The following ABR variants were observed in gnomAD, a reference collection of about 807,000 sequenced individuals.
The protein encoded by ABR is active breakpoint cluster region-related protein.
Under a neutral mutation model 107.2 loss-of-function variants are expected in ABR, and 35 were observed. The ratio of observed to expected loss-of-function variants is 0.33; its 90% CI spans 0.25 to 0.43. The LOEUF (loss-of-function observed/expected upper bound fraction) is 0.43, where lower values mean the gene tolerates loss of function less well. Ranked by LOEUF, ABR falls within the 20% of genes least tolerant of loss-of-function variation. The pLI is 1.00. For synonymous variants in ABR, 498 were observed against 462.0 expected (o/e 1.08, Z -1.00); for missense variants, 815 against 1,115.2 (o/e 0.73, Z 3.83).
At chr17:1,039,859 G>A (rs2030019511) in intron 16 of ABR, among the ~76,000 whole-genome samples, 1 of 152,220 alleles carries the variant, frequency 6.6e-6, no homozygotes, top group Non-Finnish European at 1.5e-5. Context: ...GCCTTGGCGG[G>A]CGCCGACGCG....
At position 1,010,270 on chromosome 17, in the gene ABR, G is replaced by T. The variant is rs1402262983; in HGVS notation, c.2236+459C>A. ...CTTGGGGCTGGGTTTGGCCCAGGTG[G>T]GTGGAGGCGGAAGGCCTGCTGGCCG... On this transcript the variant is annotated intron_variant, in intron 20 of 22. Transcript: ENST00000302538. This position sits in a 1 kb window ranked among gnomAD's most constrained non-coding sequence, Gnocchi z 4.1. The T allele has an allele frequency of 1.8e-5, 4 of 223,434 alleles. No individual in the cohort carries two copies. Among genetic ancestry groups the T allele is most frequent in the Admixed American group, 5.1e-5 (1 of 19,608 alleles). 13.8% of individuals were successfully genotyped at this position (223,434 alleles called of 1,614,324 possible).
At chr17:1,141,371 T>C (rs985568966) in intron 1 of ABR, among the ~76,000 whole-genome samples, 2 of 152,206 alleles carry the variant, frequency 1.3e-5, no homozygotes, top group Non-Finnish European at 2.9e-5. Context: ...TCGGGTTCCA[T>C]TCCTGAGATT....
At chr17:1,094,642 A>G (rs1437051544) in intron 3 of ABR, among the ~76,000 whole-genome samples, 1 of 152,150 alleles carries the variant, frequency 6.6e-6, no homozygotes, top group Non-Finnish European at 1.5e-5. Flanking sequence ...AAGTGCTGGG[A>G]TGACAGGTGT....
At chr17:1,169,429 C>G (rs1207610429) in intron 1 of ABR, among the ~76,000 whole-genome samples, 1 of 152,220 alleles carries the variant, frequency 6.6e-6, no homozygotes, top group Non-Finnish European at 1.5e-5. Context: ...ACTTTTATTC[C>G]TATTGGGAAA....
At chr17:1,134,610 G>C (rs1366714340) in intron 1 of ABR, among the ~76,000 whole-genome samples, 2 of 152,184 alleles carry the variant, frequency 1.3e-5, no homozygotes, top group Non-Finnish European at 2.9e-5. Context: ...AGCCCAGAGA[G>C]GAAGCGAGTC....
Position 1,125,312 on chromosome 17 carries a change from C to A in ABR, c.117G>T (p.Gly39=), listed in dbSNP as rs770964285. Residue 39 remains glycine (G), a synonymous_variant, in exon 2 of 23, where the codon GGG becomes GGT. Transcript: ENST00000302538. ...GCATGGTCTCTGAGCCCTCCGGGGG[C>A]CCCTTCTGCTCCTCATTCCCCTCTC... is the stretch of plus-strand genomic sequence containing the variant. The part of the protein sequence containing the change: ...YDGEGNEEQK[G]PPEGSETMPY... 10 of 1,614,004 alleles carry A rather than the reference C, an allele frequency of 6.2e-6. No individual in the cohort carries two copies. The highest frequency in any genetic ancestry group is 8.5e-6 in the Non-Finnish European group (10 of 1,179,978).
At chr17:1,202,035 C>T (rs2042681558) in intron 1 of ABR, among the ~76,000 whole-genome samples, 1 of 152,120 alleles carries the variant, frequency 6.6e-6, no homozygotes, top group Non-Finnish European at 1.5e-5. Flanking sequence ...GTGTGTTCCT[C>T]CCATACTTTG....
chr17:1,003,825 C>G lies in ABR; in HGVS notation c.*2255G>C, dbSNP rs2069830622. ...CTGGAGGTTCCAGGCTGCACAGTCC[C>G]TGGCTCCTGACTCCTGCCGGGCGCA... On this transcript the variant is annotated 3_prime_UTR_variant, in exon 23 of 23. Transcript: ENST00000302538. 6.6e-6 allele frequency: 1 copy of G among 152,366 alleles called. No individual in the cohort carries two copies. Among genetic ancestry groups the G allele is most frequent in the Admixed American group, 6.5e-5 (1 of 15,276 alleles). The allele number at this position is 152,366 out of a possible 1,614,324, so 9.4% of individuals were successfully genotyped here. A position where few individuals can be genotyped will look rare whatever the true frequency, so the allele number is the denominator to read the frequency against.
chr17:1,066,531 CTTTT>C (rs112876947), intron 10 of ABR, among the ~76,000 whole-genome samples: 1 of 146,528 alleles, frequency 6.8e-6, no homozygotes, highest in Non-Finnish European at 1.5e-5. Context: ...TCTACCTCCA[CTTTT>C]TTTTTTTGTT....
In ABR at chr17:1,179,730, CGCGGCG is replaced by C. The variant is rs746305126; in HGVS notation, c.-9_-4del. On this transcript the variant is annotated 5_prime_UTR_variant, in exon 1 of 23. Coordinates refer to ENST00000302538, the MANE Select transcript of ABR (RefSeq NM_021962.5). The surrounding 1 kb of genome is among the most constrained non-coding windows in gnomAD (Gnocchi z 4.9). ...CCCCGGTGGCTGAGCGGCTCCATCC[CGCGGCG>C]GCGGCTCGGTCAGATCCGAAACCCG... The C allele has an allele frequency of 4.7e-6, 7 of 1,496,458 alleles. No homozygotes were observed. The Admixed American group carries it at 5.8e-5, about 12-fold the overall frequency. 92.7% of individuals were successfully genotyped at this position (1,496,458 alleles called of 1,614,324 possible). A position where few individuals can be genotyped will look rare whatever the true frequency, so the allele number is the denominator to read the frequency against.
intron 2 of ABR, among the ~76,000 whole-genome samples, chr17:1,115,796 G>A (rs903720203): frequency 2.0e-5 from 3 of 150,830 alleles, no homozygotes; most frequent in Non-Finnish European, 2.9e-5. Flanking sequence ...CGTACTGGCG[G>A]GTGCCTGTAA....
intron 1 of ABR, among the ~76,000 whole-genome samples, chr17:1,202,482 G>A (rs910396169): frequency 2.0e-5 from 3 of 152,134 alleles, no homozygotes; most frequent in East Asian, 1.9e-4. Flanking sequence ...ACTCTTCAGC[G>A]AACAGTCCCC....
At chr17:1,127,059 A>G (rs2039634098) in intron 1 of ABR, among the ~76,000 whole-genome samples, 1 of 151,852 alleles carries the variant, frequency 6.6e-6, no homozygotes, top group African/African-American at 2.4e-5. Context: ...CCGTGGCCAC[A>G]CTCTGCCCAA....
chr17:1,024,529 G>A (rs916937260), intron 16 of ABR, among the ~76,000 whole-genome samples: 2 of 152,198 alleles, frequency 1.3e-5, no homozygotes, highest in South Asian at 2.1e-4. Context: ...GCTCCCGCCT[G>A]TAATCCAGCA....
At chr17:1,191,354 CTTTTTTT>C (rs761910557), upstream of ABR, among the ~76,000 whole-genome samples, 12 of 96,484 alleles carry the variant, frequency 1.2e-4, no homozygotes, top group South Asian at 1.1e-3. Flanking sequence ...TTTTTCTTTT[CTTTTTTT>C]TTTTTTTTTT....
chr17:1,081,981 G>A (rs2586244), intron 5 of ABR, among the ~76,000 whole-genome samples: 1 of 151,676 alleles, frequency 6.6e-6, no homozygotes, highest in Non-Finnish European at 1.5e-5. Context: ...AGTAATGAAG[G>A]TGACATGTTC....
At chr17:1,097,214 G>T (rs2037526364) in intron 3 of ABR, among the ~76,000 whole-genome samples, 1 of 152,154 alleles carries the variant, frequency 6.6e-6, no homozygotes, top group East Asian at 1.9e-4. Flanking sequence ...GTGTGTTGTG[G>T]CAGAAACCAC....
rs11652068 is a variant in ABR, at chr17:1,037,473, C to T, written c.1791+12577G>A. On this transcript the variant is annotated intron_variant, in intron 16 of 22. Transcript: ENST00000302538. The surrounding 1 kb of genome is among the most constrained non-coding windows in gnomAD (Gnocchi z 4.6). The stretch of plus-strand genomic sequence containing the variant: ...CTGCAGGAGAAGTGTCCCGACAGCC[C>T]GTCCCTGGCAAACCCTAGCGATTCT... Among the ~76,000 whole-genome samples the T allele has an allele frequency of 3.0e-3, 463 of 152,312 alleles. 6 individuals are homozygous for T. The highest frequency in any genetic ancestry group is 3.5e-3 in the Admixed American group (54 of 15,302).
chr17:1,177,037 C>A (rs2041942531), intron 1 of ABR, among the ~76,000 whole-genome samples: 1 of 152,052 alleles, frequency 6.6e-6, no homozygotes, highest in Non-Finnish European at 1.5e-5. Context: ...GTCACACTGC[C>A]ACCCTGTGCC....
Sources: gnomAD v4.1 joint callset for allele counts (sites outside exome capture counted in the v4.1 genomes callset) on GRCh38, gnomAD v4.1.1 for gene constraint, Gnocchi (gnomAD v3.1) non-coding constraint, MANE v1.5 for transcripts, NCBI Gene and HGNC (gene_info 2026-07-23, HGNC 2026-07-21) for gene names.